Variants in SNX24 observed in about 807,000 individuals in gnomAD.
The protein encoded by SNX24 is sorting nexin-24.
In SNX24, 22 loss-of-function variants were observed where a neutral mutation model predicts 28.7. That is an observed-to-expected ratio of 0.77 (90% confidence interval 0.55 to 1.10). The LOEUF (loss-of-function observed/expected upper bound fraction) is 1.10, where lower values mean the gene tolerates loss of function less well. Ranked by LOEUF, SNX24 falls within the 50% of genes least tolerant of loss-of-function variation. SNX24 has a pLI of 0.00. For synonymous variants in SNX24, 69 were observed against 71.5 expected (o/e 0.96, Z 0.18); for missense variants, 221 against 201.1 (o/e 1.10, Z -0.60).
chr5:123,010,439 C>G (rs944751381), downstream of SNX24, among the ~76,000 whole-genome samples: 3 of 152,090 alleles, frequency 2.0e-5, no homozygotes, highest in African/African-American at 7.2e-5. Context: ...CAGGCGCATG[C>G]CACCACGCCT....
Position 122,999,912 on chromosome 5 carries a change from G to T in SNX24, c.250G>T (p.Ala84Ser). 6.3e-7 allele frequency: 1 copy of T among 1,592,312 alleles called. No homozygotes were observed. The highest frequency in any genetic ancestry group is 8.6e-7 in the Non-Finnish European group (1 of 1,160,248). The change falls in exon 4 of 7, where the codon GCT becomes TCT. Residue 84 changes from alanine to serine, a missense_variant and splice_region_variant. Coordinates refer to ENST00000261369, the MANE Select transcript of SNX24 (RefSeq NM_014035.4). ...RRQGLETYLQ[A>S]VILENEELPK... is the part of the protein sequence containing the mutation. Reference sequence around the variant, plus strand: ...CGAATTCTGTTTTCTGCTTTCACAGGCTGTCATTTTAGAAAATGAAGAACT... The same window carrying T: ...CGAATTCTGTTTTCTGCTTTCACAGTCTGTCATTTTAGAAAATGAAGAACT...
chr5:122,900,298 A>G (rs114361101), intron 1 of SNX24, among the ~76,000 whole-genome samples: 2,033 of 152,264 alleles, frequency 0.013, 39 homozygotes, highest in African/African-American at 0.032. Context: ...TAACATATCT[A>G]TCACCTCACA....
At chr5:122,984,353 T>C (rs1200198061) in intron 3 of SNX24, among the ~76,000 whole-genome samples, 2 of 152,240 alleles carry the variant, frequency 1.3e-5, no homozygotes, top group African/African-American at 4.8e-5. Flanking sequence ...ATCCTTCTTT[T>C]TTCTTTACAT....
intron 3 of SNX24, among the ~76,000 whole-genome samples, chr5:122,953,463 T>C (rs1760057807): frequency 6.6e-6 from 1 of 152,080 alleles, no homozygotes; most frequent in African/African-American, 2.4e-5. Flanking sequence ...GACAGAATCC[T>C]TGTAATGCCT....
At chr5:122,916,601 T>C (rs1758178998) in intron 1 of SNX24, among the ~76,000 whole-genome samples, 1 of 152,234 alleles carries the variant, frequency 6.6e-6, no homozygotes, top group South Asian at 2.1e-4. Context: ...CCTTTATTTT[T>C]AACATTCTGC....
At chr5:122,851,059 T>A (rs1037889569) in intron 1 of SNX24, among the ~76,000 whole-genome samples, 1 of 152,198 alleles carries the variant, frequency 6.6e-6, no homozygotes, top group Non-Finnish European at 1.5e-5. Flanking sequence ...CACTGTAGGC[T>A]TGTAGTTTGA....
downstream of SNX24, chr5:123,009,241 A>G: frequency 1.0e-6 from 1 of 984,200 alleles, no homozygotes; most frequent in Non-Finnish European, 1.2e-6. Context: ...TTTCACTGGA[A>G]ACATGGTTTG....
At chr5:122,941,572 C>T (rs915103813) in intron 2 of SNX24, among the ~76,000 whole-genome samples, 1 of 152,094 alleles carries the variant, frequency 6.6e-6, no homozygotes, top group Non-Finnish European at 1.5e-5. Context: ...CAGATTTCTG[C>T]TTAAATTTTG....
chr5:122,897,282 A>G (rs1292124360), intron 1 of SNX24, among the ~76,000 whole-genome samples: 4 of 152,178 alleles, frequency 2.6e-5, no homozygotes, highest in Non-Finnish European at 5.9e-5. Flanking sequence ...TCCCAACAGT[A>G]AGCCAGAATG....
intron 1 of SNX24, among the ~76,000 whole-genome samples, chr5:122,910,300 C>A (rs1259005446): frequency 6.6e-6 from 1 of 152,122 alleles, no homozygotes; most frequent in African/African-American, 2.4e-5. Context: ...CTGTTCACAG[C>A]CACCCCCTTC....
chr5:122,845,807 T>C (rs1164110334), intron 1 of SNX24, 114 bp downstream of exon 1: 3 of 510,510 alleles, frequency 5.9e-6, no homozygotes, highest in African/African-American at 4.0e-5. Context: ...TCGTTTTCTC[T>C]CCCCTCCCCC....
rs189758928 is a variant in SNX24, at chr5:122,905,880, A to T, written c.61-30854A>T. On this transcript the variant is annotated intron_variant, in intron 1 of 6. Transcript: ENST00000261369. Reference sequence around the variant, plus strand: ...GGTTGAACTCAGTCCTTCAAGGTTTATAGTAATCCATTGAGTTGTGGATGT... The same window carrying T: ...GGTTGAACTCAGTCCTTCAAGGTTTTTAGTAATCCATTGAGTTGTGGATGT... Among the ~76,000 whole-genome samples, 326 of 152,344 alleles carry T rather than the reference A, an allele frequency of 2.1e-3. 3 individuals carry two copies. In the Middle Eastern group the frequency reaches 0.027, roughly 13 times the overall value.
rs568700674 is a variant in SNX24 at position 122,956,487 on chromosome 5, C to T, written c.249+10328C>T. Among the ~76,000 whole-genome samples, 3 of 152,098 alleles carry T rather than the reference C, an allele frequency of 2.0e-5. No homozygotes were observed. The East Asian group carries it at 5.8e-4, about 29-fold the overall frequency. On this transcript the variant is annotated intron_variant, in intron 3 of 6. Transcript: ENST00000261369. ...CATGTTTTAGTTTTTGTGAATAATG[C>T]TGCTGTGAACATGGATGTACAAATA... is the stretch of plus-strand genomic sequence containing the variant.
intron 3 of SNX24, chr5:122,948,674 G>C: frequency 6.6e-6 from 1 of 152,150 alleles, no homozygotes; most frequent in East Asian, 1.9e-4. Flanking sequence ...CATTTCCTAA[G>C]GTGGTCACAC....
intron 3 of SNX24, among the ~76,000 whole-genome samples, chr5:122,969,762 C>A (rs1015683225): frequency 3.9e-5 from 6 of 152,120 alleles, no homozygotes; most frequent in African/African-American, 1.4e-4. Flanking sequence ...GAGACTAATC[C>A]TGGATCCCTC....
intron 3 of SNX24, among the ~76,000 whole-genome samples, chr5:122,971,857 C>G (rs968412443): frequency 1.5e-5 from 2 of 134,350 alleles, no homozygotes; most frequent in Non-Finnish European, 3.1e-5. Flanking sequence ...CCTCAGCCAG[C>G]ACCTCAGTGG....
At chr5:122,888,844 G>A (rs535615207) in intron 1 of SNX24, among the ~76,000 whole-genome samples, 13 of 152,228 alleles carry the variant, frequency 8.5e-5, no homozygotes, top group African/African-American at 2.9e-4. Context: ...AGTTATAGAT[G>A]TAATGGGATA....
At chr5:123,015,467 A>G (rs538926513) in intron 5 of SNX24, among the ~76,000 whole-genome samples, 4 of 152,334 alleles carry the variant, frequency 2.6e-5, no homozygotes, top group South Asian at 2.1e-4. Flanking sequence ...TTAAATGTCT[A>G]TTCTTTTTAC....
chr5:122,948,736 A>G (rs1195350381), intron 3 of SNX24: 2 of 152,328 alleles, frequency 1.3e-5, no homozygotes, highest in African/African-American at 4.8e-5. Context: ...GGAATTAAAA[A>G]TCTTGCCCCC....
Sources: gnomAD v4.1 joint callset for allele counts (sites outside exome capture counted in the v4.1 genomes callset) on GRCh38, gnomAD v4.1.1 for gene constraint, MANE v1.5 for transcripts, NCBI Gene and HGNC (gene_info 2026-07-23, HGNC 2026-07-21) for gene names.